GPATCH2L: variants seen among roughly 807,000 people sequenced by gnomAD.
The protein encoded by GPATCH2L is G patch domain-containing protein 2-like.
In GPATCH2L, 31 loss-of-function variants were observed where a neutral mutation model predicts 57.4. The observed-to-expected ratio is 0.54, with a 90% confidence interval of 0.41 to 0.73. The LOEUF (loss-of-function observed/expected upper bound fraction) is 0.73. GPATCH2L is among the 30% of genes least tolerant of loss of function. The pLI, the probability that GPATCH2L is intolerant of heterozygous loss-of-function variation, is 0.00. For synonymous variants in GPATCH2L, 199 were observed against 210.7 expected, an observed-to-expected ratio of 0.94 and a Z score of 0.48; for missense variants, 481 against 599.9, an observed-to-expected ratio of 0.80 and a Z score of 2.07.
chr14:76,153,259 C>A (rs2038139332), intron 1 of GPATCH2L, among the ~76,000 whole-genome samples: 1 of 152,208 alleles, frequency 6.6e-6, no homozygotes, highest in African/African-American at 2.4e-5. Flanking sequence ...TTAAGCTGAT[C>A]TTGAAATACT....
At chr14:76,161,356 C>A (rs1395071577) in intron 2 of GPATCH2L, among the ~76,000 whole-genome samples, 2 of 152,234 alleles carry the variant, frequency 1.3e-5, no homozygotes, top group East Asian at 3.9e-4. Flanking sequence ...GCAAAAAACA[C>A]CTCTTATTAA....
At chr14:76,152,545 C>T (rs1679931513) in intron 1 of GPATCH2L, 2 of 410,478 alleles carry the variant, frequency 4.9e-6, no homozygotes, top group Admixed American at 5.7e-5. Context: ...GCTACCCGTT[C>T]CTTCCTGTGC....
chr14:76,234,394 G>A (rs1220907727), intron 2 of GPATCH2L: 1 of 152,132 alleles, frequency 6.6e-6, no homozygotes, highest in African/African-American at 2.4e-5. Flanking sequence ...CATCCCCTTG[G>A]CTGTGGCTTG....
At chr14:76,188,915 T>G (rs181310968) in intron 8 of GPATCH2L, among the ~76,000 whole-genome samples, 152 of 152,270 alleles carry the variant, frequency 1.0e-3, no homozygotes, top group African/African-American at 3.5e-3. Flanking sequence ...TTCATTCTTC[T>G]GCATATGGAT....
chr14:76,157,259 A>G (rs1346982103), intron 2 of GPATCH2L, among the ~76,000 whole-genome samples: 2 of 152,220 alleles, frequency 1.3e-5, no homozygotes, highest in Non-Finnish European at 2.9e-5. Flanking sequence ...CTGTGGGGAA[A>G]GGGGGTGATT....
chr14:76,156,632 G>T (rs1172912022), intron 2 of GPATCH2L, among the ~76,000 whole-genome samples: 1 of 152,198 alleles, frequency 6.6e-6, no homozygotes, highest in Non-Finnish European at 1.5e-5. Flanking sequence ...AGACATTCAA[G>T]TTTGTTTTAA....
In GPATCH2L at chr14:76,200,641, A is replaced by G. The variant is rs184993450; in HGVS notation, c.1289-1050A>G. Among the ~76,000 whole-genome samples the G allele has an allele frequency of 2.8e-4, 42 of 152,322 alleles. No homozygotes were observed. In the South Asian group the frequency reaches 2.9e-3, roughly 11 times the overall value. ...TTTTTACATTAGCCCACAATAAGAA[A>G]TTCATGTTTGAATATGTGCGTTGGT... On this transcript the variant is annotated intron_variant, in intron 9 of 9. Transcript: ENST00000261530.
intron 9 of GPATCH2L, among the ~76,000 whole-genome samples, chr14:76,196,918 G>A (rs1348049215): frequency 6.6e-6 from 1 of 152,050 alleles, no homozygotes; most frequent in Non-Finnish European, 1.5e-5. Flanking sequence ...CTGCTTTATG[G>A]TGGTTCATAC....
intron 2 of GPATCH2L, chr14:76,230,386 G>C (rs969166139): frequency 6.6e-6 from 1 of 152,024 alleles, no homozygotes; most frequent in African/African-American, 2.4e-5. Context: ...AGTAGCTCCT[G>C]TATTTGCAGA....
In GPATCH2L at chr14:76,154,775, G is replaced by C; in HGVS notation, c.412G>C (p.Glu138Gln). 6.2e-7 allele frequency: 1 copy of C among 1,614,236 alleles called. No homozygotes were observed. Among genetic ancestry groups the C allele is most frequent in the Non-Finnish European group, 8.5e-7 (1 of 1,180,036 alleles). ...RRRKVKRVTS[E>Q]VAASLQQKLK... ...GCGGAAGGTGAAGCGAGTGACATCA[G>C]AGGTGGCTGCTAGCCTTCAGCAGAA... Residue 138 changes from glutamate to glutamine, a missense_variant, in exon 2 of 10, where the codon GAG becomes CAG. Physicochemically the swap from Glu to Gln is conservative, Grantham distance 29. Transcript: ENST00000261530. The surrounding 1 kb of genome is among the most constrained non-coding windows in gnomAD (Gnocchi z 4.4).
intron 9 of GPATCH2L, among the ~76,000 whole-genome samples, chr14:76,201,445 C>T (rs149896847): frequency 3.9e-4 from 59 of 152,232 alleles, no homozygotes; most frequent in African/African-American, 1.4e-3. Context: ...ATTATGAATG[C>T]GTGCTACTGA....
At position 76,154,383 on chromosome 14, in the gene GPATCH2L, A is replaced by G. The variant is rs1342600324; in HGVS notation, c.20A>G (p.Asp7Gly). Residue 7 changes from aspartate (D) to glycine (G), a missense_variant, in exon 2 of 10, where the codon GAC becomes GGC. Physicochemically the swap from Asp to Gly is moderately conservative, Grantham distance 94 (BLOSUM62 -1). This residue lies in a region of GPATCH2L where 208 missense variants were observed against 272.4 expected (regional missense o/e 0.76). Coordinates refer to ENST00000261530, the MANE Select transcript of GPATCH2L (RefSeq NM_017926.4). This position sits in a 1 kb window ranked among gnomAD's most constrained non-coding sequence, Gnocchi z 4.4. ...GGCCTCATGGATGAGCTGGTACACG[A>G]CTTAGCCTCAGCCTTGGAGCAGACA... MDELVH[D>G]LASALEQTSE... 6.2e-7 allele frequency: 1 copy of G among 1,602,516 alleles called. No homozygotes were observed. The highest frequency in any genetic ancestry group is 2.2e-5 in the East Asian group (1 of 44,488).
Position 76,151,943 on chromosome 14 carries a change from G to A in GPATCH2L, c.-59G>A, listed in dbSNP as rs992756357. On this transcript the variant is annotated 5_prime_UTR_variant, in exon 1 of 10. Coordinates refer to ENST00000261530, the MANE Select transcript of GPATCH2L (RefSeq NM_017926.4). ...GGTCAGAGAGGGAAGCCCCGGCGGT[G>A]AGAGTCGGCCCAAAAAGCGGCGGCC... 1 of 153,842 alleles carries A rather than the reference G, an allele frequency of 6.5e-6. No homozygotes were observed. The highest frequency in any genetic ancestry group is 2.4e-5 in the African/African-American group (1 of 41,506). The allele number at this position is 153,842 out of a possible 1,614,324, so 9.5% of individuals were successfully genotyped here.
intron 8 of GPATCH2L, among the ~76,000 whole-genome samples, chr14:76,185,889 A>T (rs2139749199): frequency 6.6e-6 from 1 of 152,260 alleles, no homozygotes; most frequent in Non-Finnish European, 1.5e-5. Context: ...GTGGTAGGAG[A>T]TTAAGAGTGT....
intron 2 of GPATCH2L, among the ~76,000 whole-genome samples, chr14:76,160,557 G>C (rs1371340056): frequency 6.6e-6 from 1 of 152,226 alleles, no homozygotes; most frequent in Non-Finnish European, 1.5e-5. Flanking sequence ...GTGTTCTTGA[G>C]TTGAAAAATT....
chr14:76,171,798 AC>A (rs754460891), intron 3 of GPATCH2L, 44 bp from the exon 4 acceptor site: 3 of 1,236,304 alleles, frequency 2.4e-6, no homozygotes, highest in Admixed American at 4.9e-5. Flanking sequence ...TTTTTCTCAG[AC>A]CTTGTTTAAA....
In GPATCH2L at chr14:76,180,771, C is replaced by T; in HGVS notation, c.1115C>T (p.Pro372Leu). The T allele has an allele frequency of 6.2e-7, 1 of 1,608,856 alleles. No individual in the cohort carries two copies. Among genetic ancestry groups the T allele is most frequent in the Non-Finnish European group, 8.5e-7 (1 of 1,175,190 alleles). The change falls in exon 8 of 10, where the codon CCC becomes CTC. Residue 372 changes from proline (P) to leucine (L), a missense_variant. Physicochemically the swap from Pro to Leu is moderately conservative, Grantham distance 98. This residue lies in a region of GPATCH2L where 248 missense variants were observed against 270.5 expected (regional missense o/e 0.92). Transcript: ENST00000261530. ...TCTTATTCATTCCTGCAGTTCAATC[C>T]CCTGTCTCCCCTTTACTCCCTGGAT... Reference protein sequence around the residue: ...HISACAHEFNPLSPLYSLDVL... With the variant: ...HISACAHEFNLLSPLYSLDVL...
At chr14:76,167,053 A>G (rs184066890) in intron 3 of GPATCH2L, among the ~76,000 whole-genome samples, 1 of 152,188 alleles carries the variant, frequency 6.6e-6, no homozygotes, top group South Asian at 2.1e-4. Context: ...TTTTATTAGA[A>G]TAAAGAAATA....
chr14:76,198,365 A>G (rs1269767852), intron 9 of GPATCH2L, among the ~76,000 whole-genome samples: 2 of 152,204 alleles, frequency 1.3e-5, no homozygotes, highest in Non-Finnish European at 2.9e-5. Flanking sequence ...AAAAAAGATT[A>G]TCTTCTCCAA....
Sources: gnomAD v4.1 joint callset for allele counts (sites outside exome capture counted in the v4.1 genomes callset) on GRCh38, gnomAD v4.1.1 for gene constraint, gnomAD v4.1.1 regional missense constraint, Gnocchi (gnomAD v3.1) non-coding constraint, MANE v1.5 for transcripts, NCBI Gene and HGNC (gene_info 2026-07-23, HGNC 2026-07-21) for gene names.